TMEM178A: variants seen among roughly 807,000 people sequenced by gnomAD.
The protein encoded by TMEM178A is transmembrane protein 178.
In TMEM178A, 12 loss-of-function variants were observed where a neutral mutation model predicts 29.1. The ratio of observed to expected loss-of-function variants is 0.41; its 90% CI spans 0.26 to 0.67. The LOEUF (loss-of-function observed/expected upper bound fraction) is 0.67. Among genes scored for constraint, TMEM178A ranks in the 30% least tolerant of loss-of-function variants. The pLI is 0.29. For missense variants in TMEM178A, 366 were observed against 419.1 expected (o/e 0.87, Z 1.11); for synonymous variants, 210 against 187.2 (o/e 1.12, Z -0.99).
At chr2:39,684,133 T>A (rs559474893) in intron 1 of TMEM178A, among the ~76,000 whole-genome samples, 1 of 152,220 alleles carries the variant, frequency 6.6e-6, no homozygotes, top group Non-Finnish European at 1.5e-5. Context: ...TTTGCTTCCA[T>A]GTTTTTATTT....
chr2:39,701,935 A>G (rs1012163549), intron 1 of TMEM178A, among the ~76,000 whole-genome samples: 6 of 152,126 alleles, frequency 3.9e-5, no homozygotes, highest in African/African-American at 9.7e-5. Context: ...TTAGTGAAAT[A>G]TCACTCTCAT....
At chr2:39,714,790 G>A (rs1672463855) in intron 3 of TMEM178A, among the ~76,000 whole-genome samples, 1 of 152,142 alleles carries the variant, frequency 6.6e-6, no homozygotes, top group Admixed American at 6.6e-5. Flanking sequence ...CAGGGGAGAG[G>A]AGCTAATGAA....
At chr2:39,686,115 C>G (rs1671067077) in intron 1 of TMEM178A, among the ~76,000 whole-genome samples, 1 of 152,216 alleles carries the variant, frequency 6.6e-6, no homozygotes, top group Admixed American at 6.5e-5. Flanking sequence ...TGCCAGTCCT[C>G]AGAGAGCAAT....
At chr2:39,728,296 T>C in the TMEM178A span, among the ~76,000 whole-genome samples, 1 of 152,200 alleles carries the variant, frequency 6.6e-6, no homozygotes, top group African/African-American at 2.4e-5. Flanking sequence ...TGATTTGCAT[T>C]TCTCTGAGAC....
the TMEM178A span, among the ~76,000 whole-genome samples, chr2:39,729,193 T>C: frequency 1.3e-5 from 2 of 152,114 alleles, no homozygotes; most frequent in African/African-American, 4.8e-5. Context: ...GTTTCAAAGA[T>C]TCACTGCCAC....
chr2:39,731,800 C>G, the TMEM178A span, among the ~76,000 whole-genome samples: 3 of 152,122 alleles, frequency 2.0e-5, no homozygotes, highest in Non-Finnish European at 4.4e-5. Context: ...GCGAGAAGTC[C>G]TTGTTGGGCC....
At chr2:39,706,326 C>A (rs890251641) in intron 2 of TMEM178A, among the ~76,000 whole-genome samples, 3 of 152,094 alleles carry the variant, frequency 2.0e-5, no homozygotes, top group African/African-American at 7.2e-5. Context: ...TAAATGGATG[C>A]CCAGGTTGTG....
At chr2:39,674,032 C>G (rs1317942926) in intron 1 of TMEM178A, among the ~76,000 whole-genome samples, 1 of 151,940 alleles carries the variant, frequency 6.6e-6, no homozygotes, top group Non-Finnish European at 1.5e-5. Context: ...TTTTTAAGTT[C>G]TCACAATTTT....
chr2:39,704,087 CGCAGCGAT>C lies in TMEM178A; in HGVS notation c.411_418del (p.Gln137HisfsTer19). On this transcript the variant is annotated frameshift_variant, in exon 2 of 4. Coordinates refer to ENST00000281961, the MANE Select transcript of TMEM178A (RefSeq NM_152390.3). LOFTEE classifies it high-confidence loss of function. ...GTTTCTTATTTCCTTCAAGGTATTGCGCAGCGATGCACGGCCATCAAGTACCACTTTTC... is the reference window on the plus strand; with the variant it reads ...GTTTCTTATTTCCTTCAAGGTATTGCGCACGGCCATCAAGTACCACTTTTC... The C allele has an allele frequency of 6.2e-7, 1 of 1,613,884 alleles. No homozygotes were observed. Among genetic ancestry groups the C allele is most frequent in the Non-Finnish European group, 8.5e-7 (1 of 1,179,860 alleles).
intron 1 of TMEM178A, among the ~76,000 whole-genome samples, chr2:39,677,487 AT>A (rs1273163492): frequency 1.3e-5 from 2 of 152,190 alleles, no homozygotes; most frequent in African/African-American, 2.4e-5. Flanking sequence ...CGTGTTCAAA[AT>A]TAGAAATTAA....
chr2:39,733,137 T>C, the TMEM178A span, among the ~76,000 whole-genome samples: 5 of 152,204 alleles, frequency 3.3e-5, no homozygotes, highest in African/African-American at 4.8e-5. Context: ...GGTTTGTCAC[T>C]GAGAAAGTTG....
chr2:39,689,132 G>A (rs539674557), intron 1 of TMEM178A, among the ~76,000 whole-genome samples: 1 of 152,258 alleles, frequency 6.6e-6, no homozygotes, highest in African/African-American at 2.4e-5. Flanking sequence ...TGAAAGTGTA[G>A]CTCAATACGA....
intron 1 of TMEM178A, among the ~76,000 whole-genome samples, chr2:39,700,426 T>C (rs1279031377): frequency 6.6e-6 from 1 of 152,096 alleles, no homozygotes; most frequent in South Asian, 2.1e-4. Context: ...ATAAAATATC[T>C]TTTTTTCTCT....
intron 3 of TMEM178A, among the ~76,000 whole-genome samples, chr2:39,716,418 T>A (rs1672537712): frequency 1.3e-5 from 2 of 152,238 alleles, no homozygotes; most frequent in Admixed American, 1.3e-4. Flanking sequence ...TTGAAATGGA[T>A]GATCTCCTTG....
chr2:39,681,759 G>T (rs922801494), intron 1 of TMEM178A, among the ~76,000 whole-genome samples: 6 of 152,182 alleles, frequency 3.9e-5, no homozygotes, highest in Admixed American at 3.9e-4. Context: ...AAAAGAAAAA[G>T]CACCTTAAAT....
intron 1 of TMEM178A, among the ~76,000 whole-genome samples, chr2:39,690,348 C>T (rs2148077677): frequency 6.6e-6 from 1 of 152,328 alleles, no homozygotes; most frequent in African/African-American, 2.4e-5. Context: ...TGTGCCTGCT[C>T]TTTCAGACAG....
intron 2 of TMEM178A, 21 bp downstream of exon 2, chr2:39,704,215 T>A: frequency 1.2e-6 from 2 of 1,601,494 alleles, no homozygotes; most frequent in Admixed American, 1.7e-5. Context: ...CCAGGAGAGG[T>A]TCAGAGAGGA....
chr2:39,675,332 A>G (rs1670572802), intron 1 of TMEM178A, among the ~76,000 whole-genome samples: 1 of 152,156 alleles, frequency 6.6e-6, no homozygotes, highest in Admixed American at 6.5e-5. Context: ...TAAATAACTC[A>G]TTACCTACCA....
intron 1 of TMEM178A, among the ~76,000 whole-genome samples, chr2:39,690,955 G>T (rs574317695): frequency 2.6e-5 from 4 of 152,128 alleles, no homozygotes; most frequent in African/African-American, 9.7e-5. Context: ...TCTACAGAGA[G>T]CCTCAATAAC....
Sources: gnomAD v4.1 joint callset for allele counts (sites outside exome capture counted in the v4.1 genomes callset) on GRCh38, gnomAD v4.1.1 for gene constraint, MANE v1.5 for transcripts, NCBI Gene and HGNC (gene_info 2026-07-23, HGNC 2026-07-21) for gene names.